Variants in VEZT observed in about 807,000 individuals in gnomAD.
VEZT encodes vezatin, adherens junctions transmembrane protein, also known as vezatin.
Under a neutral mutation model 79.9 loss-of-function variants are expected in VEZT, and 39 were observed. That is an observed-to-expected ratio of 0.49 (90% CI 0.38 to 0.64). The LOEUF is 0.64. Ranked by LOEUF, VEZT falls within the 30% of genes least tolerant of loss-of-function variation. The pLI, the probability that VEZT is intolerant of heterozygous loss-of-function variation, is 0.00. For missense variants in VEZT, 837 were observed against 893.1 expected, an observed-to-expected ratio of 0.94 and a Z score of 0.80; for synonymous variants, 325 against 327.6, an observed-to-expected ratio of 0.99 and a Z score of 0.09.
Position 95,270,163 on chromosome 12 carries a change from C to A in VEZT, c.823C>A (p.Leu275Ile), listed in dbSNP as rs1346507435. ...TLRANFQAAR[L>I]ATLYMLKNYP... The stretch of plus-strand genomic sequence containing the variant: ...AAGAGCCAACTTCCAAGCAGCAAGG[C>A]TAGCTACCCTATATATGCTGAAAAA... The change falls in exon 6 of 12, where the codon CTA becomes ATA. Residue 275 changes from leucine to isoleucine, a missense_variant. Physicochemically the swap from Leu to Ile is conservative, Grantham distance 5. Transcript: ENST00000436874. 2.5e-6 allele frequency: 4 copies of A among 1,609,194 alleles called. No individual in the cohort carries two copies. Among genetic ancestry groups the A allele is most frequent in the Non-Finnish European group, 2.5e-6 (3 of 1,177,780 alleles).
At chr12:95,262,789 C>G (rs2064784483) in intron 3 of VEZT, 117 bp from the exon 4 acceptor site, 2 of 921,974 alleles carry the variant, frequency 2.2e-6, no homozygotes, top group Non-Finnish European at 3.0e-6. Flanking sequence ...GTTGTTTCTT[C>G]TTGAAGTATC....
At chr12:95,271,479 AG>A in intron 6 of VEZT, among the ~76,000 whole-genome samples, 1 of 152,318 alleles carries the variant, frequency 6.6e-6, no homozygotes, top group South Asian at 2.1e-4. Flanking sequence ...GAATGCTTTC[AG>A]GGAGGTGACA....
intron 1 of VEZT, among the ~76,000 whole-genome samples, chr12:95,225,015 C>T (rs965706826): frequency 9.8e-5 from 15 of 152,288 alleles, no homozygotes; most frequent in African/African-American, 2.9e-4. Flanking sequence ...CTGATAGTAA[C>T]GCTTGCTCAC....
At chr12:95,245,738 A>C (rs1048328010) in intron 1 of VEZT, among the ~76,000 whole-genome samples, 16 of 152,218 alleles carry the variant, frequency 1.1e-4, no homozygotes, top group African/African-American at 3.9e-4. Flanking sequence ...CCAGTGACTC[A>C]GGAGGCTGAG....
At chr12:95,245,485 G>A (rs7979908) in intron 1 of VEZT, 388,136 of 455,748 alleles carry the variant, frequency 0.85, 166,196 homozygotes, top group African/African-American at 0.97. Flanking sequence ...AAACTCTTTT[G>A]GGAAAAACTG....
chr12:95,246,368 C>A (rs1025321521), intron 1 of VEZT, among the ~76,000 whole-genome samples: 1 of 152,172 alleles, frequency 6.6e-6, no homozygotes, highest in Non-Finnish European at 1.5e-5. Flanking sequence ...AGTGATCCAC[C>A]CGCCTTGGCC....
chr12:95,277,261 A>C (rs1341092518), intron 7 of VEZT, among the ~76,000 whole-genome samples: 3 of 152,226 alleles, frequency 2.0e-5, no homozygotes, highest in East Asian at 3.8e-4. Flanking sequence ...CTTTGTGTTT[A>C]TAATAGTGCA....
At chr12:95,239,078 T>A (rs2060548425) in intron 1 of VEZT, among the ~76,000 whole-genome samples, 1 of 152,154 alleles carries the variant, frequency 6.6e-6, no homozygotes, top group Non-Finnish European at 1.5e-5. Flanking sequence ...GATACTAAAT[T>A]TTGGGGGAAG....
At chr12:95,296,366 C>T in intron 11 of VEZT, 108 bp downstream of exon 11, 1 of 1,021,308 alleles carries the variant, frequency 9.8e-7, no homozygotes, top group Non-Finnish European at 1.4e-6. Context: ...TTATAAGGGT[C>T]CACCAGTATG....
At chr12:95,232,509 T>TA (rs2059401039) in intron 1 of VEZT, among the ~76,000 whole-genome samples, 1 of 152,210 alleles carries the variant, frequency 6.6e-6, no homozygotes, top group Non-Finnish European at 1.5e-5. Context: ...AAGTCTGTGT[T>TA]AACAAAATTA....
intron 1 of VEZT, among the ~76,000 whole-genome samples, chr12:95,221,859 A>T (rs2057644415): frequency 6.6e-6 from 1 of 152,098 alleles, no homozygotes; most frequent in African/African-American, 2.4e-5. Context: ...AATACTCAAA[A>T]ATATTCAAAA....
At chr12:95,240,447 T>G (rs1278213366) in intron 1 of VEZT, among the ~76,000 whole-genome samples, 1 of 152,186 alleles carries the variant, frequency 6.6e-6, no homozygotes, top group African/African-American at 2.4e-5. Flanking sequence ...GCTCAGCTAT[T>G]CTTAAAGTTT....
chr12:95,276,029 A>G (rs1291644121), intron 7 of VEZT, among the ~76,000 whole-genome samples: 1 of 152,064 alleles, frequency 6.6e-6, no homozygotes, highest in Admixed American at 6.6e-5. Flanking sequence ...ATTCAGGGAG[A>G]CCTCACACAC....
chr12:95,234,690 A>T (rs10777678), intron 1 of VEZT, among the ~76,000 whole-genome samples: 60,316 of 151,340 alleles, frequency 0.4, 12,375 homozygotes, highest in African/African-American at 0.49. Flanking sequence ...TTTATTTTTT[A>T]ATTGATCATT....
chr12:95,270,758 C>T (rs1451315477), intron 6 of VEZT, among the ~76,000 whole-genome samples: 1 of 152,144 alleles, frequency 6.6e-6, no homozygotes, highest in Non-Finnish European at 1.5e-5. Context: ...GTAAAGTGAT[C>T]AGACATCATC....
In VEZT at chr12:95,217,846, G is replaced by A; in HGVS notation, c.-5G>A. The stretch of plus-strand genomic sequence containing the variant: ...GTGCTGAGGCGGGTGGCATGGCGGA[G>A]AAGGATGACACCGGAGTTTGACGAA... On this transcript the variant is annotated 5_prime_UTR_variant, in exon 1 of 12. Coordinates refer to ENST00000436874, the MANE Select transcript of VEZT (RefSeq NM_017599.4). 2 of 1,541,514 alleles carry A rather than the reference G, an allele frequency of 1.3e-6. No homozygotes were observed. Among genetic ancestry groups the A allele is most frequent in the Non-Finnish European group, 1.7e-6 (2 of 1,149,312 alleles).
chr12:95,246,034 C>T (rs1483065336), intron 1 of VEZT, among the ~76,000 whole-genome samples: 1 of 152,190 alleles, frequency 6.6e-6, no homozygotes, highest in Non-Finnish European at 1.5e-5. Context: ...GTACAGAATA[C>T]ATCATGAATC....
chr12:95,243,447 C>T (rs1256368463), intron 1 of VEZT, among the ~76,000 whole-genome samples: 3 of 151,258 alleles, frequency 2.0e-5, no homozygotes, highest in Non-Finnish European at 4.4e-5. Context: ...ACCAAACTGT[C>T]TCATCTATTC....
At chr12:95,239,420 A>G (rs1352930130) in intron 1 of VEZT, among the ~76,000 whole-genome samples, 2 of 152,230 alleles carry the variant, frequency 1.3e-5, no homozygotes, top group East Asian at 3.8e-4. Flanking sequence ...TCCCTTTTCT[A>G]TCCAGATGAT....
Sources: allele counts gnomAD v4.1 joint callset (sites outside exome capture counted in the v4.1 genomes callset), GRCh38; gene constraint gnomAD v4.1.1; transcripts MANE v1.5; gene names NCBI Gene and HGNC (gene_info 2026-07-23, HGNC 2026-07-21).